Variants in TIPARP observed in about 807,000 individuals in gnomAD.
TIPARP encodes TCDD inducible poly(ADP-ribose) polymerase.
In TIPARP, 12 loss-of-function variants were observed where a neutral mutation model predicts 56.5. The observed-to-expected ratio is 0.21, with a 90% confidence interval of 0.14 to 0.34. The LOEUF (loss-of-function observed/expected upper bound fraction) is 0.34, where lower values mean the gene tolerates loss of function less well. TIPARP is among the 10% of genes least tolerant of loss of function. The probability of loss-of-function intolerance (pLI) is 1.00; values close to 1 mark genes in which losing one functional copy is unlikely to be tolerated. For synonymous variants in TIPARP, 296 were observed against 265.7 expected (o/e 1.11, Z -1.11); for missense variants, 604 against 781.6 (o/e 0.77, Z 2.71).
intron 2 of TIPARP, 27 bp from the exon 3 acceptor site, chr3:156,693,993 G>GT (rs748090673): frequency 5.4e-5 from 84 of 1,560,180 alleles, no homozygotes; most frequent in South Asian, 2.3e-4. Context: ...AGGTTTTTGG[G>GT]TTTTTTTTGT....
At chr3:156,685,142 C>G (rs1722400418) in intron 2 of TIPARP, among the ~76,000 whole-genome samples, 1 of 152,210 alleles carries the variant, frequency 6.6e-6, no homozygotes, top group Non-Finnish European at 1.5e-5. Flanking sequence ...CGTTAGTAAA[C>G]TTCTAATTGT....
intron 1 of TIPARP, chr3:156,676,720 T>A (rs1722140014): frequency 6.6e-6 from 1 of 152,238 alleles, no homozygotes; most frequent in Non-Finnish European, 1.5e-5. Context: ...TTTCAGTTTT[T>A]TTCAAGGGGT....
chr3:156,702,399 CAT>C (rs1377479879), intron 4 of TIPARP, among the ~76,000 whole-genome samples: 1 of 152,142 alleles, frequency 6.6e-6, no homozygotes, highest in African/African-American at 2.4e-5. Flanking sequence ...ATGGCTGGCA[CAT>C]AGTATTAATT....
At chr3:156,677,551 A>G (rs540805808) in intron 1 of TIPARP, 106 bp from the exon 2 acceptor site, 2 of 726,202 alleles carry the variant, frequency 2.8e-6, no homozygotes, top group African/African-American at 1.8e-5. Context: ...TATAAGAGGA[A>G]TGGTTTCAGG....
intron 4 of TIPARP, among the ~76,000 whole-genome samples, chr3:156,699,748 T>C (rs984207401): frequency 1.4e-4 from 21 of 152,224 alleles, no homozygotes; most frequent in African/African-American, 4.8e-4. Flanking sequence ...AGTTACTCTT[T>C]ATTTTCCTTT....
intron 2 of TIPARP, among the ~76,000 whole-genome samples, 183 bp downstream of exon 2, chr3:156,678,797 G>C (rs1343012163): frequency 3.3e-5 from 5 of 151,960 alleles, no homozygotes; most frequent in African/African-American, 1.2e-4. Context: ...AACTCAACCG[G>C]ACAATGAAAG....
At chr3:156,678,814 G>T (rs771214717) in intron 2 of TIPARP, among the ~76,000 whole-genome samples, 200 bp downstream of exon 2, 1 of 152,144 alleles carries the variant, frequency 6.6e-6, no homozygotes, top group Non-Finnish European at 1.5e-5. Flanking sequence ...AAAGTTTTAC[G>T]ATTTGAACAA....
chr3:156,681,163 AT>A (rs1371996621), intron 2 of TIPARP: 1 of 456,506 alleles, frequency 2.2e-6, no homozygotes, highest in East Asian at 6.9e-5. Context: ...TTGCTGAGAG[AT>A]TCACAAACAA....
chr3:156,677,886 T>C lies in TIPARP; in HGVS notation c.189T>C (p.Leu63=), dbSNP rs768220438. 2 of 1,614,090 alleles carry C rather than the reference T, an allele frequency of 1.2e-6. No individual in the cohort carries two copies. The highest frequency in any genetic ancestry group is 1.3e-5 in the African/African-American group (1 of 74,990). ...LRSLRPILNT[L]LESGSLDGVF... ...CTTTGAGGCCAATATTAAACACTCT[T>C]CTAGAATCTGGCTCACTTGATGGGG... Residue 63 remains leucine, a synonymous_variant, in exon 2 of 6, where the codon CTT becomes CTC. Transcript: ENST00000295924.
chr3:156,683,694 GTAAAGA>G (rs1722359822), intron 2 of TIPARP, among the ~76,000 whole-genome samples: 1 of 152,084 alleles, frequency 6.6e-6, no homozygotes, highest in Non-Finnish European at 1.5e-5. Context: ...CTACCATAAA[GTAAAGA>G]TAAACTTCAT....
chr3:156,698,973 G>T lies in TIPARP; in HGVS notation c.1247+2948G>T, dbSNP rs553470446. Among the ~76,000 whole-genome samples the T allele has an allele frequency of 2.6e-5, 4 of 152,284 alleles. No homozygotes were observed. In the East Asian group the frequency reaches 7.7e-4, roughly 29 times the overall value. On this transcript the variant is annotated intron_variant, in intron 4 of 5. Coordinates refer to ENST00000295924, the MANE Select transcript of TIPARP (RefSeq NM_015508.5). Reference sequence around the variant, plus strand: ...CAGCCCACATGGATGATTTTGAAGGGTTAAAGACTTCAGTGGAGGAAGTCA... The same window carrying T: ...CAGCCCACATGGATGATTTTGAAGGTTTAAAGACTTCAGTGGAGGAAGTCA...
chr3:156,695,993 C>T lies in TIPARP; in HGVS notation c.1215C>T (p.Phe405=). The part of the protein sequence containing the change: ...FRREIKRRPL[F]RSCFILLPYL... ...GAGAGATAAAAAGGAGACCCCTCTT[C>T]CGCTCCTGTTTTATACTGCTTCCAT... Residue 405 remains phenylalanine, a synonymous_variant, in exon 4 of 6, where the codon TTC becomes TTT. Transcript: ENST00000295924. 1.2e-6 allele frequency: 2 copies of T among 1,611,220 alleles called. No individual in the cohort carries two copies. The highest frequency in any genetic ancestry group is 1.7e-6 in the Non-Finnish European group (2 of 1,179,100).
In TIPARP at chr3:156,705,297, A is replaced by C; in HGVS notation, c.*166A>C. 1.7e-6 allele frequency: 1 copy of C among 573,082 alleles called. No individual in the cohort carries two copies. Among genetic ancestry groups the C allele is most frequent in the South Asian group, 2.5e-5 (1 of 40,628 alleles). The allele number at this position is 573,082 out of a possible 1,614,324, so 35.5% of individuals were successfully genotyped here. A position where few individuals can be genotyped will look rare whatever the true frequency, so the allele number is the denominator to read the frequency against. On this transcript the variant is annotated 3_prime_UTR_variant, in exon 6 of 6. Transcript: ENST00000295924. ...ATGCTTTTTTTAAAAAAAAAATACA[A>C]GTTTTAAAATGACCACTTACTCTTT...
intron 4 of TIPARP, among the ~76,000 whole-genome samples, chr3:156,702,456 G>C (rs1299023277): frequency 6.6e-6 from 1 of 152,166 alleles, no homozygotes; most frequent in Non-Finnish European, 1.5e-5. Context: ...GCTCTTTGGA[G>C]ATGAGACACA....
At chr3:156,680,069 A>G (rs1318187888) in intron 2 of TIPARP, among the ~76,000 whole-genome samples, 1 of 152,236 alleles carries the variant, frequency 6.6e-6, no homozygotes, top group Non-Finnish European at 1.5e-5. Flanking sequence ...TCATGAGACT[A>G]GAACTTTGCA....
chr3:156,689,176 A>G (rs533535380), intron 2 of TIPARP, among the ~76,000 whole-genome samples: 18 of 152,216 alleles, frequency 1.2e-4, no homozygotes, highest in African/African-American at 3.4e-4. Flanking sequence ...TTTTATTTCT[A>G]TCACCTTCCC....
rs545996838 is a variant in TIPARP at position 156,699,014 on chromosome 3, C to T, written c.1247+2989C>T. Among the ~76,000 whole-genome samples, 123 of 152,212 alleles carry T rather than the reference C, an allele frequency of 8.1e-4. 1 individual carries two copies. The highest frequency in any genetic ancestry group is 6.8e-4 in the Non-Finnish European group (46 of 67,996). On this transcript the variant is annotated intron_variant, in intron 4 of 5. Coordinates refer to ENST00000295924, the MANE Select transcript of TIPARP (RefSeq NM_015508.5). ...GAGGAAGTCACTGCAGATGTGGTGG[C>T]AATAGCAAGAGAGGTAGAAGTAGAA...
At chr3:156,678,728 A>G (rs1647058998) in intron 2 of TIPARP, 114 bp downstream of exon 2, 2 of 900,998 alleles carry the variant, frequency 2.2e-6, no homozygotes, top group Non-Finnish European at 3.3e-6. Flanking sequence ...CTTTTTTTCC[A>G]CTATTATTCT....
intron 2 of TIPARP, among the ~76,000 whole-genome samples, chr3:156,682,187 A>G (rs1722325451): frequency 6.6e-6 from 1 of 152,224 alleles, no homozygotes. Flanking sequence ...ACACACTGCA[A>G]ACCTTATTTT....
Sources: gnomAD v4.1 joint callset for allele counts (sites outside exome capture counted in the v4.1 genomes callset) on GRCh38, gnomAD v4.1.1 for gene constraint, MANE v1.5 for transcripts, NCBI Gene and HGNC (gene_info 2026-07-23, HGNC 2026-07-21) for gene names.